CFAP299: variants seen among roughly 807,000 people sequenced by gnomAD.
CFAP299 encodes the protein cilia and flagella associated protein 299, also known as cilia- and flagella-associated protein 299.
In CFAP299, 21 loss-of-function variants were observed where a neutral mutation model predicts 27.0. The ratio of observed to expected loss-of-function variants is 0.78; its 90% CI spans 0.55 to 1.12. The LOEUF (loss-of-function observed/expected upper bound fraction) is 1.12. Ranked by LOEUF, CFAP299 falls within the 50% of genes most tolerant of loss-of-function variation. The pLI is 0.00. For synonymous variants in CFAP299, 104 were observed against 98.1 expected (o/e 1.06, Z -0.36); for missense variants, 310 against 276.6 (o/e 1.12, Z -0.86).
intron 3 of CFAP299, among the ~76,000 whole-genome samples, chr4:80,641,942 G>A (rs976292381): frequency 1.3e-5 from 2 of 152,158 alleles, no homozygotes; most frequent in African/African-American, 2.4e-5. Context: ...CTGTAAAATC[G>A]GTGACACTGT....
rs538560951 is a variant in CFAP299, at chr4:80,571,804, A to G, written c.243-11289A>G. ...TAGGGTAGCAATCTGAACGCCAGAAAGAGGGCCTGTACCAGAACACAACCA... is the reference window on the plus strand; with the variant it reads ...TAGGGTAGCAATCTGAACGCCAGAAGGAGGGCCTGTACCAGAACACAACCA... On this transcript the variant is annotated intron_variant, in intron 2 of 5. Coordinates refer to ENST00000358105, the MANE Select transcript of CFAP299 (RefSeq NM_152770.3). 1.9e-4 allele frequency among the ~76,000 whole-genome samples: 29 copies of G among 152,246 alleles called. No individual in the cohort carries two copies. In the South Asian group the frequency reaches 2.1e-3, roughly 11 times the overall value.
intron 3 of CFAP299, among the ~76,000 whole-genome samples, chr4:80,724,481 C>T (rs889393575): frequency 8.1e-4 from 123 of 151,942 alleles, no homozygotes; most frequent in African/African-American, 2.9e-3. Context: ...AATTTGGAGC[C>T]TGGTATACAT....
At chr4:80,523,548 C>G (rs576015494) in intron 2 of CFAP299, among the ~76,000 whole-genome samples, 21 of 152,048 alleles carry the variant, frequency 1.4e-4, no homozygotes, top group African/African-American at 4.8e-4. Flanking sequence ...TCAGTAGACT[C>G]AGTAAGGAAG....
At chr4:80,539,493 A>G (rs778587386) in intron 2 of CFAP299, among the ~76,000 whole-genome samples, 4 of 152,134 alleles carry the variant, frequency 2.6e-5, no homozygotes, top group Non-Finnish European at 5.9e-5. Flanking sequence ...AATAATGCCA[A>G]TGGGCTCTGG....
intron 4 of CFAP299, among the ~76,000 whole-genome samples, chr4:80,882,643 A>G (rs1454201637): frequency 6.6e-6 from 1 of 152,166 alleles, no homozygotes; most frequent in Non-Finnish European, 1.5e-5. Context: ...GTCTCAAAAA[A>G]AAAAAATTGA....
rs192265917 is a variant in CFAP299, at chr4:80,821,518, C to T, written c.334-48475C>T. On this transcript the variant is annotated intron_variant, in intron 3 of 5. Transcript: ENST00000358105. ...TCCTGGTAAAAGAGAAAATGAAAAG[C>T]GGCACACCTGCTTCCAGCTGGGCCC... Among the ~76,000 whole-genome samples, 378 of 152,146 alleles carry T rather than the reference C, an allele frequency of 2.5e-3. 1 individual carries two copies. The highest frequency in any genetic ancestry group is 8.6e-3 in the African/African-American group (357 of 41,506).
In CFAP299 at chr4:80,351,901, ATAAT is replaced by A. The variant is rs201791241; in HGVS notation, c.112-10852_112-10849del. On this transcript the variant is annotated intron_variant, in intron 1 of 5. Transcript: ENST00000358105. The stretch of plus-strand genomic sequence containing the variant: ...ATTTATTAATAATTATGATTTATAA[ATAAT>A]GTTAATATAATGTTAATTTTATATT... Among the ~76,000 whole-genome samples, 264 of 150,366 alleles carry A rather than the reference ATAAT, an allele frequency of 1.8e-3. 6 individuals carry two copies. In the East Asian group the frequency reaches 0.037, roughly 21 times the overall value.
chr4:80,742,987 T>C (rs1026848299), intron 3 of CFAP299, among the ~76,000 whole-genome samples: 4 of 152,210 alleles, frequency 2.6e-5, no homozygotes, highest in African/African-American at 9.6e-5. Context: ...GATATATATG[T>C]GGACAGGACT....
At chr4:80,622,875 G>A (rs1738678839) in intron 3 of CFAP299, among the ~76,000 whole-genome samples, 1 of 152,134 alleles carries the variant, frequency 6.6e-6, no homozygotes, top group African/African-American at 2.4e-5. Context: ...TGTCTGGGAT[G>A]AGAATGACTC....
At chr4:80,415,051 G>T (rs1284067847) in intron 2 of CFAP299, among the ~76,000 whole-genome samples, 1 of 152,116 alleles carries the variant, frequency 6.6e-6, no homozygotes, top group Non-Finnish European at 1.5e-5. Flanking sequence ...CATAGATGGG[G>T]ACAACCTCAT....
At chr4:80,793,310 G>A (rs1727676248) in intron 3 of CFAP299, among the ~76,000 whole-genome samples, 1 of 152,010 alleles carries the variant, frequency 6.6e-6, no homozygotes, top group Non-Finnish European at 1.5e-5. Context: ...GGCCAGTCTA[G>A]CCTTTTCACG....
intron 2 of CFAP299, among the ~76,000 whole-genome samples, chr4:80,550,666 A>G (rs902367447): frequency 1.3e-5 from 2 of 152,024 alleles, no homozygotes; most frequent in Admixed American, 1.3e-4. Flanking sequence ...GATGTTAACA[A>G]TGTTTCTAAT....
At chr4:80,556,712 A>G (rs1014930774) in intron 2 of CFAP299, among the ~76,000 whole-genome samples, 43 of 152,004 alleles carry the variant, frequency 2.8e-4, no homozygotes, top group African/African-American at 1.0e-3. Flanking sequence ...CAAAGGTTTA[A>G]GACACTAGAT....
intron 2 of CFAP299, among the ~76,000 whole-genome samples, chr4:80,417,766 C>T (rs115187808): frequency 0.012 from 1,764 of 152,208 alleles, 44 homozygotes; most frequent in African/African-American, 0.04. Flanking sequence ...CCACAGCTGT[C>T]TCTGCTCTTC....
chr4:80,759,162 A>G (rs547183987), intron 3 of CFAP299, among the ~76,000 whole-genome samples: 12 of 152,236 alleles, frequency 7.9e-5, no homozygotes, highest in Non-Finnish European at 1.6e-4. Flanking sequence ...CTTATTTCAC[A>G]TCTATTATTT....
chr4:80,804,481 T>A lies in CFAP299; in HGVS notation c.334-65512T>A, dbSNP rs1254282419. On this transcript the variant is annotated intron_variant, in intron 3 of 5. Coordinates refer to ENST00000358105, the MANE Select transcript of CFAP299 (RefSeq NM_152770.3). ...CCTTTCTTTTTAAGGTTGAATAATA[T>A]TCCATTGCATGTTTATACCACATTT... Among the ~76,000 whole-genome samples the A allele has an allele frequency of 2.0e-5, 3 of 152,298 alleles. No homozygotes were observed. The East Asian group carries it at 5.8e-4, about 29-fold the overall frequency.
At chr4:80,834,787 G>T (rs567828687) in intron 3 of CFAP299, among the ~76,000 whole-genome samples, 67 of 152,278 alleles carry the variant, frequency 4.4e-4, no homozygotes, top group African/African-American at 1.5e-3. Context: ...CTTTGGTTGA[G>T]CTGGGTGCTT....
At chr4:80,499,797 T>TAA (rs1731652911) in intron 2 of CFAP299, among the ~76,000 whole-genome samples, 1 of 152,096 alleles carries the variant, frequency 6.6e-6, no homozygotes. Context: ...CACTGAGCAT[T>TAA]AAAAACAACA....
intron 3 of CFAP299, among the ~76,000 whole-genome samples, chr4:80,758,640 A>T (rs1725386783): frequency 1.3e-5 from 2 of 152,250 alleles, no homozygotes; most frequent in South Asian, 4.2e-4. Flanking sequence ...TCCATAACAT[A>T]TTTATAATAA....
Sources: gnomAD v4.1 joint callset for allele counts (sites outside exome capture counted in the v4.1 genomes callset) on GRCh38, gnomAD v4.1.1 for gene constraint, MANE v1.5 for transcripts, NCBI Gene and HGNC (gene_info 2026-07-23, HGNC 2026-07-21) for gene names.